The following ELP4 variants were observed in gnomAD, a reference collection of about 807,000 sequenced individuals.
The protein encoded by ELP4 is elongator acetyltransferase complex subunit 4.
A neutral mutation model predicts 48.9 loss-of-function variants in ELP4; 51 were observed. The ratio of observed to expected loss-of-function variants is 1.04; its 90% CI spans 0.83 to 1.32. The LOEUF (loss-of-function observed/expected upper bound fraction) is 1.32. Among genes scored for constraint, ELP4 ranks in the 40% most tolerant of loss-of-function variants. The pLI, the probability that ELP4 is intolerant of heterozygous loss-of-function variation, is 0.00. For missense variants in ELP4, 519 were observed against 514.6 expected (o/e 1.01, Z -0.08); for synonymous variants, 210 against 189.2 (o/e 1.11, Z -0.90).
chr11:31,591,372 C>G (rs900213845), intron 3 of ELP4, among the ~76,000 whole-genome samples: 2 of 131,222 alleles, frequency 1.5e-5, no homozygotes, highest in South Asian at 4.8e-4. Context: ...CACTACTGCA[C>G]TCCAGCCTGG....
intron 9 of ELP4, among the ~76,000 whole-genome samples, chr11:31,778,406 T>G (rs1211662000): frequency 6.6e-6 from 1 of 152,226 alleles, no homozygotes; most frequent in African/African-American, 2.4e-5. Context: ...ACCTGGTGGC[T>G]AAGTCTGATG....
intron 2 of ELP4, among the ~76,000 whole-genome samples, chr11:31,536,130 A>G (rs1956497111): frequency 6.6e-6 from 1 of 152,168 alleles, no homozygotes; most frequent in Non-Finnish European, 1.5e-5. Flanking sequence ...CCATTTAGGA[A>G]TATATCATTT....
chr11:31,704,355 GAAAC>G (rs2134161536), intron 9 of ELP4, among the ~76,000 whole-genome samples: 1 of 152,226 alleles, frequency 6.6e-6, no homozygotes, highest in East Asian at 1.9e-4. Flanking sequence ...GATGAAGCTG[GAAAC>G]CATCATTCTC....
chr11:31,616,006 CA>C (rs1159535550), intron 5 of ELP4, among the ~76,000 whole-genome samples: 2 of 151,756 alleles, frequency 1.3e-5, no homozygotes, highest in East Asian at 3.9e-4. Flanking sequence ...TTTAATTCTT[CA>C]AAAATCCTAT....
At chr11:31,596,029 A>C (rs1200004669) in intron 4 of ELP4, among the ~76,000 whole-genome samples, 6 of 152,154 alleles carry the variant, frequency 3.9e-5, no homozygotes, top group Non-Finnish European at 7.4e-5. Context: ...TCCAAGTTCA[A>C]ATGTTACTAC....
At chr11:31,615,025 G>A (rs984907319) in intron 5 of ELP4, among the ~76,000 whole-genome samples, 1 of 152,060 alleles carries the variant, frequency 6.6e-6, no homozygotes, top group African/African-American at 2.4e-5. Context: ...CCTTTTACCA[G>A]TATGCCAGGT....
intron 9 of ELP4, among the ~76,000 whole-genome samples, chr11:31,744,806 A>T (rs1220806257): frequency 2.6e-5 from 4 of 152,124 alleles, no homozygotes; most frequent in Non-Finnish European, 5.9e-5. Context: ...AAAAACTGGA[A>T]GCATTCCCTT....
At chr11:31,737,772 CATA>C (rs1947351486) in intron 9 of ELP4, among the ~76,000 whole-genome samples, 1 of 152,106 alleles carries the variant, frequency 6.6e-6, no homozygotes, top group Non-Finnish European at 1.5e-5. Flanking sequence ...AAATCAAAAT[CATA>C]ATAAGATTAT....
In ELP4 at chr11:31,786,948, T is replaced by G. The variant is rs868679125; in HGVS notation, c.*3424T>G. On this transcript the variant is annotated 3_prime_UTR_variant, in exon 10 of 10. Coordinates refer to ENST00000640961, the MANE Select transcript of ELP4 (RefSeq NM_019040.5). ...TCTACTGAAGTCTTCACAAATAATC[T>G]CCATCCTGGAAGATGGTGTCAAAAC... 4.6e-6 allele frequency: 1 copy of G among 219,682 alleles called. No homozygotes were observed. The highest frequency in any genetic ancestry group is 6.7e-5 in the East Asian group (1 of 14,894). 13.6% of individuals were successfully genotyped at this position (219,682 alleles called of 1,614,324 possible).
chr11:31,748,640 C>G (rs1947651689), intron 9 of ELP4, among the ~76,000 whole-genome samples: 1 of 152,170 alleles, frequency 6.6e-6, no homozygotes, highest in Non-Finnish European at 1.5e-5. Context: ...CCCCATATAT[C>G]TGACTGTCTC....
chr11:31,518,244 T>C (rs560025979), intron 1 of ELP4, among the ~76,000 whole-genome samples: 1 of 151,788 alleles, frequency 6.6e-6, no homozygotes, highest in East Asian at 2.0e-4. Context: ...GTAGCTGGGA[T>C]TACAGGCATG....
At chr11:31,754,202 T>C (rs1947786326) in intron 9 of ELP4, among the ~76,000 whole-genome samples, 1 of 152,176 alleles carries the variant, frequency 6.6e-6, no homozygotes, top group South Asian at 2.1e-4. Context: ...CTACCCACAC[T>C]TGTTTGCCAT....
chr11:31,595,403 G>C (rs766375986), intron 4 of ELP4, among the ~76,000 whole-genome samples: 14 of 152,072 alleles, frequency 9.2e-5, no homozygotes, highest in Non-Finnish European at 1.8e-4. Context: ...TCTATTCCTG[G>C]TGATGGCATG....
intron 9 of ELP4, among the ~76,000 whole-genome samples, chr11:31,770,213 C>T (rs1948109624): frequency 6.6e-6 from 1 of 152,140 alleles, no homozygotes; most frequent in Non-Finnish European, 1.5e-5. Flanking sequence ...ATGGGTTAAG[C>T]AGCAGTTGGA....
At chr11:31,762,693 G>A (rs997817552) in intron 9 of ELP4, among the ~76,000 whole-genome samples, 7 of 151,558 alleles carry the variant, frequency 4.6e-5, no homozygotes, top group Admixed American at 1.3e-4. Context: ...TTAACTAGAA[G>A]GCATTCTTAG....
In ELP4 at chr11:31,515,001, ATGTGTG is replaced by A. The variant is rs753678395; in HGVS notation, c.223+5022_224-5022del. 6.9e-3 allele frequency among the ~76,000 whole-genome samples: 906 copies of A among 131,950 alleles called. 30 individuals are homozygous for A. Among genetic ancestry groups the A allele is most frequent in the Admixed American group, 0.047 (606 of 12,862 alleles). The allele number at this position is 131,950 out of a possible 152,430, so 86.6% of individuals were successfully genotyped here. A position where few individuals can be genotyped will look rare whatever the true frequency, so the allele number is the denominator to read the frequency against. On this transcript the variant is annotated intron_variant, in intron 1 of 9. Transcript: ENST00000640961. ...ATAGAGAAATTTTGCTGCTGTATGCATGTGTGTGTGTGTGTGTGTGTGTGTGTGTGT... is the reference window on the plus strand; with the variant it reads ...ATAGAGAAATTTTGCTGCTGTATGCATGTGTGTGTGTGTGTGTGTGTGTGT...
chr11:31,705,996 A>G (rs1212372495), intron 9 of ELP4, among the ~76,000 whole-genome samples: 2 of 152,062 alleles, frequency 1.3e-5, no homozygotes, highest in Non-Finnish European at 2.9e-5. Flanking sequence ...AGGACTGCAG[A>G]TGCACACCAC....
intron 9 of ELP4, among the ~76,000 whole-genome samples, chr11:31,676,858 T>G (rs914263776): frequency 2.6e-5 from 4 of 152,188 alleles, no homozygotes. Flanking sequence ...AGCTTTTGGG[T>G]TATGGCCAAG....
At chr11:31,687,879 C>A (rs1421255365) in intron 9 of ELP4, among the ~76,000 whole-genome samples, 1 of 152,006 alleles carries the variant, frequency 6.6e-6, no homozygotes, top group Non-Finnish European at 1.5e-5. Context: ...AGGGTTACCC[C>A]CAAACCAAAT....
Sources: gnomAD v4.1 joint callset for allele counts (sites outside exome capture counted in the v4.1 genomes callset) on GRCh38, gnomAD v4.1.1 for gene constraint, MANE v1.5 for transcripts, NCBI Gene and HGNC (gene_info 2026-07-23, HGNC 2026-07-21) for gene names.